CCDC83: variants seen among roughly 807,000 people sequenced by gnomAD.
CCDC83 encodes coiled-coil domain-containing protein 83.
A neutral mutation model predicts 50.1 loss-of-function variants in CCDC83; 54 were observed. The ratio of observed to expected loss-of-function variants is 1.08; its 90% CI spans 0.87 to 1.35. CCDC83 has a LOEUF of 1.35. Among genes scored for constraint, CCDC83 ranks in the 40% most tolerant of loss-of-function variants. The probability of loss-of-function intolerance (pLI) is 0.00; values close to 1 mark genes in which losing one functional copy is unlikely to be tolerated. For missense variants in CCDC83, 518 were observed against 473.9 expected (o/e 1.09, Z -0.86); for synonymous variants, 161 against 153.3 (o/e 1.05, Z -0.37).
At chr11:85,869,037 C>G (rs1433928524) in intron 2 of CCDC83, among the ~76,000 whole-genome samples, 1 of 152,180 alleles carries the variant, frequency 6.6e-6, no homozygotes, top group Non-Finnish European at 1.5e-5. Context: ...CAAAATCACA[C>G]TCATGAAAAC....
chr11:85,905,157 C>T (rs568240046), intron 7 of CCDC83, among the ~76,000 whole-genome samples: 2 of 151,570 alleles, frequency 1.3e-5, no homozygotes, highest in African/African-American at 2.4e-5. Context: ...ATTAGCCAGG[C>T]GTGGGCCAGG....
chr11:85,882,466 G>A, intron 3 of CCDC83, 47 bp from the exon 4 acceptor site: 1 of 1,570,002 alleles, frequency 6.4e-7, no homozygotes, highest in Non-Finnish European at 8.7e-7. Flanking sequence ...AGGAAACATA[G>A]TGTACATAGT....
chr11:85,888,798 T>C (rs2093338832), intron 5 of CCDC83, among the ~76,000 whole-genome samples: 2 of 152,224 alleles, frequency 1.3e-5, no homozygotes, highest in African/African-American at 4.8e-5. Context: ...TCATTTATCA[T>C]CAATTTTTAT....
intron 8 of CCDC83, among the ~76,000 whole-genome samples, chr11:85,912,487 T>C (rs747609885): frequency 1.3e-5 from 2 of 151,870 alleles, no homozygotes; most frequent in East Asian, 1.9e-4. Context: ...TCAGAGAGAG[T>C]AGATACCAAT....
At chr11:85,909,450 C>A (rs2093441978) in intron 7 of CCDC83, among the ~76,000 whole-genome samples, 1 of 152,062 alleles carries the variant, frequency 6.6e-6, no homozygotes, top group Non-Finnish European at 1.5e-5. Flanking sequence ...TCTCCTATTG[C>A]TCTGTTGTCT....
chr11:85,872,433 C>T (rs1217151198), intron 2 of CCDC83, among the ~76,000 whole-genome samples: 3 of 151,962 alleles, frequency 2.0e-5, no homozygotes, highest in South Asian at 2.1e-4. Context: ...TGCAGTCAGC[C>T]GAGAACATGC....
At chr11:85,904,262 A>G (rs2093415429) in intron 7 of CCDC83, among the ~76,000 whole-genome samples, 1 of 152,240 alleles carries the variant, frequency 6.6e-6, no homozygotes, top group Admixed American at 6.5e-5. Flanking sequence ...TATTACTGAC[A>G]TCTTACATTG....
At chr11:85,906,657 T>C (rs557924135) in intron 7 of CCDC83, among the ~76,000 whole-genome samples, 35 of 152,248 alleles carry the variant, frequency 2.3e-4, no homozygotes, top group African/African-American at 8.4e-4. Flanking sequence ...GGCAGGAGGA[T>C]TGCTTGAGCC....
At chr11:85,866,261 T>G (rs1396324474) in intron 2 of CCDC83, among the ~76,000 whole-genome samples, 1 of 152,222 alleles carries the variant, frequency 6.6e-6, no homozygotes, top group Non-Finnish European at 1.5e-5. Context: ...CATGTACTTA[T>G]TCAATAAATA....
chr11:85,903,089 T>C (rs2135108388), intron 7 of CCDC83, among the ~76,000 whole-genome samples: 1 of 151,836 alleles, frequency 6.6e-6, no homozygotes, highest in East Asian at 2.0e-4. Flanking sequence ...AAAAATTAGC[T>C]AGACGTGGTT....
At position 85,919,486 on chromosome 11, in the gene CCDC83, T is replaced by A. The variant is rs1310348638; in HGVS notation, c.1218T>A (p.Tyr406Ter). Residue 406 changes from tyrosine (Y) to a stop codon, truncating the protein, a stop_gained, in exon 11 of 11, where the codon TAT becomes TAA. Transcript: ENST00000342404. LOFTEE classifies it high-confidence loss of function. ...DVRSPESHIT[Y>*]KMMKSFL ...GGAGCCCAGAAAGCCACATCACATA[T>A]AAGATGATGAAGTCTTTTCTCTAAG... 1.2e-6 allele frequency: 2 copies of A among 1,608,964 alleles called. No individual in the cohort carries two copies. The highest frequency in any genetic ancestry group is 2.2e-5 in the South Asian group (2 of 90,084).
intron 1 of CCDC83, among the ~76,000 whole-genome samples, chr11:85,856,064 T>C (rs2093138500): frequency 6.6e-6 from 1 of 152,044 alleles, no homozygotes; most frequent in East Asian, 1.9e-4. Flanking sequence ...TATGAATTTG[T>C]CACATTTGTA....
At chr11:85,915,596 A>G in intron 9 of CCDC83, 98 bp downstream of exon 9, 1 of 788,130 alleles carries the variant, frequency 1.3e-6, no homozygotes, top group Non-Finnish European at 2.0e-6. Flanking sequence ...CCCACATACA[A>G]AAGCTATTCA....
At chr11:85,873,805 G>C (rs977014259) in intron 3 of CCDC83, among the ~76,000 whole-genome samples, 4 of 151,912 alleles carry the variant, frequency 2.6e-5, no homozygotes, top group Non-Finnish European at 5.9e-5. Flanking sequence ...TATGACTATC[G>C]GGACTAAAGA....
Position 85,919,411 on chromosome 11 carries a change from C to T in CCDC83, c.1143C>T (p.Pro381=). ...KLMSVESKKM[P]IHFQEKEIPV... ...TGAGTGTGGAGAGCAAGAAAATGCC[C>T]ATTCATTTTCAAGAGAAGGAAATTC... The change falls in exon 11 of 11, where the codon CCC becomes CCT. Residue 381 remains proline (P), a synonymous_variant. Coordinates refer to ENST00000342404, the MANE Select transcript of CCDC83 (RefSeq NM_001286159.2). 4 of 1,613,118 alleles carry T rather than the reference C, an allele frequency of 2.5e-6. No homozygotes were observed. Among genetic ancestry groups the T allele is most frequent in the Non-Finnish European group, 3.4e-6 (4 of 1,179,202 alleles).
chr11:85,882,809 C>G, intron 4 of CCDC83, 134 bp downstream of exon 4: 1 of 767,200 alleles, frequency 1.3e-6, no homozygotes, highest in Non-Finnish European at 2.1e-6. Flanking sequence ...ACCGCAGCCA[C>G]AAACACATGT....
At chr11:85,877,501 A>T (rs68059633) in intron 3 of CCDC83, among the ~76,000 whole-genome samples, 32,710 of 152,018 alleles carry the variant, frequency 0.22, 3,787 homozygotes, top group South Asian at 0.3. Context: ...AATTTTTTTT[A>T]AATTTTGTAA....
chr11:85,865,458 G>C (rs183084521), intron 2 of CCDC83, among the ~76,000 whole-genome samples: 45 of 152,328 alleles, frequency 3.0e-4, no homozygotes, highest in African/African-American at 1.0e-3. Flanking sequence ...AATGAAATGA[G>C]AGCTGCTATG....
intron 5 of CCDC83, among the ~76,000 whole-genome samples, chr11:85,893,555 A>G (rs765884589): frequency 3.3e-5 from 5 of 152,248 alleles, no homozygotes; most frequent in Non-Finnish European, 5.9e-5. Context: ...GGCCAAGATT[A>G]GTCTGTGGCC....
Sources: gnomAD v4.1 joint callset for allele counts (sites outside exome capture counted in the v4.1 genomes callset) on GRCh38, gnomAD v4.1.1 for gene constraint, MANE v1.5 for transcripts, NCBI Gene and HGNC (gene_info 2026-07-23, HGNC 2026-07-21) for gene names.